The following PCCA variants were observed in gnomAD, a reference collection of about 807,000 sequenced individuals.
PCCA encodes the protein propionyl-CoA carboxylase alpha chain, mitochondrial.
Under a neutral mutation model 101.3 loss-of-function variants are expected in PCCA, and 74 were observed. That is an observed-to-expected ratio of 0.73 (90% CI 0.61 to 0.89). The LOEUF (loss-of-function observed/expected upper bound fraction) is 0.89. Among genes scored for constraint, PCCA ranks in the 40% least tolerant of loss-of-function variants. PCCA has a pLI of 0.00. For missense variants in PCCA, 891 were observed against 907.0 expected (o/e 0.98, Z 0.23); for synonymous variants, 294 against 313.6 (o/e 0.94, Z 0.66).
intron 16 of PCCA, among the ~76,000 whole-genome samples, chr13:100,320,518 A>G (rs1264702363): frequency 6.6e-6 from 1 of 152,296 alleles, no homozygotes; most frequent in Non-Finnish European, 1.5e-5. Context: ...AAATTTATTG[A>G]GAGTTTTTAG....
intron 11 of PCCA, among the ~76,000 whole-genome samples, chr13:100,271,166 A>G (rs1325687488): frequency 6.6e-6 from 1 of 152,244 alleles, no homozygotes; most frequent in Non-Finnish European, 1.5e-5. Flanking sequence ...ACAGAGCTGC[A>G]CTGAGATTCT....
intron 2 of PCCA, 144 bp downstream of exon 2, chr13:100,103,104 A>G (rs2047424071): frequency 3.1e-6 from 2 of 652,364 alleles, no homozygotes; most frequent in Admixed American, 4.6e-5. Flanking sequence ...GTGTTTCTAT[A>G]GGTGCTCAGT....
chr13:100,483,961 A>T (rs966513026), intron 21 of PCCA, among the ~76,000 whole-genome samples: 1 of 152,226 alleles, frequency 6.6e-6, no homozygotes, highest in Non-Finnish European at 1.5e-5. Flanking sequence ...GAGGAAAACA[A>T]TCTGGGTTTC....
At chr13:100,482,615 G>A (rs1283215519) in intron 21 of PCCA, among the ~76,000 whole-genome samples, 2 of 152,306 alleles carry the variant, frequency 1.3e-5, no homozygotes, top group East Asian at 1.9e-4. Context: ...TTTTGAGAGA[G>A]CGTTCGCTCG....
chr13:100,277,685 A>G (rs1404029440), intron 12 of PCCA, among the ~76,000 whole-genome samples: 2 of 152,140 alleles, frequency 1.3e-5, no homozygotes, highest in Non-Finnish European at 2.9e-5. Context: ...CACATCCAGA[A>G]CCTCATGCAG....
In PCCA at chr13:100,505,101, C is replaced by T. The variant is rs1030602744; in HGVS notation, c.1900-10326C>T. On this transcript the variant is annotated intron_variant, in intron 21 of 23. Transcript: ENST00000376285. ...GGTAAACCACTACTCTCTGCTGCCT[C>T]GCAGCCTGGAGATTTTCTGTAAGAG... Among the ~76,000 whole-genome samples, 17 of 152,324 alleles carry T rather than the reference C, an allele frequency of 1.1e-4. No homozygotes were observed. In the East Asian group the frequency reaches 1.5e-3, roughly 14 times the overall value.
chr13:100,261,321 C>T (rs1464259092), intron 9 of PCCA, among the ~76,000 whole-genome samples: 4 of 150,652 alleles, frequency 2.7e-5, no homozygotes, highest in African/African-American at 9.8e-5. Context: ...AATATATGCT[C>T]AATTACTTTT....
intron 21 of PCCA, among the ~76,000 whole-genome samples, chr13:100,455,530 G>A (rs547608983): frequency 2.0e-5 from 3 of 152,268 alleles, no homozygotes; most frequent in Admixed American, 6.5e-5. Flanking sequence ...ATGTTGCATG[G>A]AGGTATAATT....
At chr13:100,512,968 G>C (rs2086592345) in intron 21 of PCCA, among the ~76,000 whole-genome samples, 2 of 152,194 alleles carry the variant, frequency 1.3e-5, no homozygotes, top group Non-Finnish European at 2.9e-5. Context: ...TAGCAGTTTT[G>C]ATCAGAAGCT....
At chr13:100,232,793 A>G (rs2152517207) in intron 7 of PCCA, among the ~76,000 whole-genome samples, 1 of 152,306 alleles carries the variant, frequency 6.6e-6, no homozygotes, top group East Asian at 1.9e-4. Context: ...CTCTGTTTCT[A>G]TGTAACATTT....
chr13:100,270,310 G>A (rs1195132465), intron 11 of PCCA, among the ~76,000 whole-genome samples: 1 of 152,206 alleles, frequency 6.6e-6, no homozygotes, highest in Non-Finnish European at 1.5e-5. Flanking sequence ...GCTAGAACTA[G>A]TACTGTAGTA....
At chr13:100,292,934 C>CGT (rs36098330) in intron 12 of PCCA, among the ~76,000 whole-genome samples, 3,070 of 147,658 alleles carry the variant, frequency 0.021, 99 homozygotes, top group African/African-American at 0.067. Flanking sequence ...TTTCCAAATT[C>CGT]GTGTGTGTGT....
At chr13:100,107,931 A>G (rs1869674881) in intron 2 of PCCA, among the ~76,000 whole-genome samples, 2 of 152,328 alleles carry the variant, frequency 1.3e-5, no homozygotes, top group Admixed American at 1.3e-4. Context: ...ATGGATAGTG[A>G]GTAGCTGGGT....
chr13:100,148,712 A>G (rs923893717), intron 4 of PCCA, among the ~76,000 whole-genome samples: 2 of 152,202 alleles, frequency 1.3e-5, no homozygotes, highest in Admixed American at 6.5e-5. Flanking sequence ...CAAACAGCAA[A>G]AAAACCCCAA....
intron 6 of PCCA, chr13:100,160,751 C>T (rs1296875356): frequency 2.0e-5 from 3 of 152,166 alleles, no homozygotes; most frequent in Non-Finnish European, 4.4e-5. Context: ...GACATCTTAA[C>T]AGAGTTTACA....
At chr13:100,417,174 C>T (rs927386397) in intron 19 of PCCA, among the ~76,000 whole-genome samples, 1 of 152,202 alleles carries the variant, frequency 6.6e-6, no homozygotes, top group Non-Finnish European at 1.5e-5. Context: ...AAATAATTTT[C>T]AACCAAACTG....
At chr13:100,489,740 G>A (rs2084743415) in intron 21 of PCCA, among the ~76,000 whole-genome samples, 1 of 151,504 alleles carries the variant, frequency 6.6e-6, no homozygotes, top group African/African-American at 2.4e-5. Flanking sequence ...TGCAGTAGGG[G>A]TAACGTTTAT....
At chr13:100,335,689 T>C (rs2070336825) in intron 17 of PCCA, among the ~76,000 whole-genome samples, 1 of 152,124 alleles carries the variant, frequency 6.6e-6, no homozygotes, top group Non-Finnish European at 1.5e-5. Flanking sequence ...GGACAAAGGA[T>C]CGAGGGAACA....
Position 100,235,801 on chromosome 13 carries a change from C to G in PCCA, c.601-41C>G, listed in dbSNP as rs202002389. 5.2e-5 allele frequency: 76 copies of G among 1,464,976 alleles called. No individual in the cohort carries two copies. The South Asian group carries it at 8.5e-4, about 16-fold the overall frequency. 90.7% of individuals were successfully genotyped at this position (1,464,976 alleles called of 1,614,324 possible). ...CTGCCCTAAAGACATTGTGCAATGC[C>G]TCATGGGATTAATGTTGAGTCTCAT... On this transcript the variant is annotated intron_variant, in intron 7 of 23. Transcript: ENST00000376285.
Sources: allele counts gnomAD v4.1 joint callset (sites outside exome capture counted in the v4.1 genomes callset), GRCh38; gene constraint gnomAD v4.1.1; transcripts MANE v1.5; gene names NCBI Gene and HGNC (gene_info 2026-07-23, HGNC 2026-07-21).